OTUD3: variants seen among roughly 807,000 people sequenced by gnomAD.
OTUD3 encodes OTU deubiquitinase 3.
In OTUD3, 24 loss-of-function variants were observed where a neutral mutation model predicts 46.2. That is an observed-to-expected ratio of 0.52 (90% CI 0.38 to 0.73). The LOEUF (loss-of-function observed/expected upper bound fraction) is 0.73. OTUD3 is among the 30% of genes least tolerant of loss of function. The pLI is 0.00. For synonymous variants in OTUD3, 189 were observed against 195.4 expected, an observed-to-expected ratio of 0.97 and a Z score of 0.27; for missense variants, 455 against 523.3, an observed-to-expected ratio of 0.87 and a Z score of 1.27.
At chr1:19,888,187 A>G (rs964360622) in intron 1 of OTUD3, among the ~76,000 whole-genome samples, 4 of 152,242 alleles carry the variant, frequency 2.6e-5, no homozygotes, top group Admixed American at 6.5e-5. Flanking sequence ...GTATTCTCCT[A>G]AACTTCCTAC....
chr1:19,905,408 T>TA (rs2045646457), intron 6 of OTUD3, among the ~76,000 whole-genome samples: 1 of 152,062 alleles, frequency 6.6e-6, no homozygotes, highest in East Asian at 1.9e-4. Context: ...TTTTTTTTTT[T>TA]AATTTGAACC....
intron 1 of OTUD3, among the ~76,000 whole-genome samples, chr1:19,889,701 TGTG>T (rs2045421050): frequency 6.6e-6 from 1 of 152,296 alleles, no homozygotes; most frequent in South Asian, 2.1e-4. Context: ...AGAAACAAAA[TGTG>T]GTGTTTAAAG....
intron 1 of OTUD3, among the ~76,000 whole-genome samples, chr1:19,886,231 A>C (rs1202245713): frequency 6.6e-6 from 1 of 152,232 alleles, no homozygotes; most frequent in Non-Finnish European, 1.5e-5. Flanking sequence ...CAATATTAAC[A>C]TCCCTCTGAA....
chr1:19,903,760 C>G (rs747817294), intron 4 of OTUD3, among the ~76,000 whole-genome samples: 39 of 152,178 alleles, frequency 2.6e-4, no homozygotes, highest in Non-Finnish European at 5.1e-4. Flanking sequence ...TTAGATGAGT[C>G]ATGCTCATCC....
chr1:19,907,914 GT>G lies in OTUD3; in HGVS notation c.*172del. 1 of 538,982 alleles carries G rather than the reference GT, an allele frequency of 1.9e-6. No homozygotes were observed. The highest frequency in any genetic ancestry group is 3.2e-6 in the Non-Finnish European group (1 of 310,072). The allele number at this position is 538,982 out of a possible 1,614,324, so 33.4% of individuals were successfully genotyped here. On this transcript the variant is annotated 3_prime_UTR_variant, in exon 8 of 8. Transcript: ENST00000375120. Reference sequence around the variant, plus strand: ...CAAGCTGCCTCTTTTTTTGTTCGAAGTTTTATTAGTGATATGTTGGTGTTTT... The same window carrying G: ...CAAGCTGCCTCTTTTTTTGTTCGAAGTTTATTAGTGATATGTTGGTGTTTT...
chr1:19,887,001 A>G (rs1481725379), intron 1 of OTUD3, among the ~76,000 whole-genome samples: 1 of 152,242 alleles, frequency 6.6e-6, no homozygotes, highest in African/African-American at 2.4e-5. Context: ...TATTTTATTT[A>G]AGCTATTGTA....
chr1:19,900,903 G>A, intron 4 of OTUD3, among the ~76,000 whole-genome samples: 1 of 148,612 alleles, frequency 6.7e-6, no homozygotes, highest in Non-Finnish European at 1.5e-5. Context: ...ATCCTATTGA[G>A]GTTTTTTTTT....
Position 19,882,499 on chromosome 1 carries a change from C to T in OTUD3, c.-15C>T. ...CGCCTTTCCCTCCTGCCGCTGGGGA[C>T]TGCAGGCTAAGGCCATGTCCCGAAA... On this transcript the variant is annotated 5_prime_UTR_variant, in exon 1 of 8. Coordinates refer to ENST00000375120, the MANE Select transcript of OTUD3 (RefSeq NM_015207.2). 2 of 1,357,180 alleles carry T rather than the reference C, an allele frequency of 1.5e-6. No individual in the cohort carries two copies. Among genetic ancestry groups the T allele is most frequent in the Non-Finnish European group, 1.9e-6 (2 of 1,061,026 alleles). 84.1% of individuals were successfully genotyped at this position (1,357,180 alleles called of 1,614,324 possible). A position where few individuals can be genotyped will look rare whatever the true frequency, so the allele number is the denominator to read the frequency against.
rs1224868354 is a variant in OTUD3 at position 19,912,055 on chromosome 1, A to G, written c.*4309A>G. ...TAGCATCCTTGCAGAATTACTTGAG[A>G]AGGGGCTGGTACCAGTGTAAAGAAT... On this transcript the variant is annotated 3_prime_UTR_variant, in exon 8 of 8. Coordinates refer to ENST00000375120, the MANE Select transcript of OTUD3 (RefSeq NM_015207.2). 6.6e-6 allele frequency: 1 copy of G among 152,332 alleles called. No individual in the cohort carries two copies. Among genetic ancestry groups the G allele is most frequent in the Non-Finnish European group, 1.5e-5 (1 of 68,048 alleles). 9.4% of individuals were successfully genotyped at this position (152,332 alleles called of 1,614,324 possible).
At chr1:19,888,192 TC>T (rs1217090760) in intron 1 of OTUD3, among the ~76,000 whole-genome samples, 3 of 152,212 alleles carry the variant, frequency 2.0e-5, no homozygotes, top group Non-Finnish European at 4.4e-5. Context: ...CTCCTAAACT[TC>T]CTACAGTGCA....
At chr1:19,903,442 A>G (rs2045619231) in intron 4 of OTUD3, among the ~76,000 whole-genome samples, 1 of 152,272 alleles carries the variant, frequency 6.6e-6, no homozygotes, top group South Asian at 2.1e-4. Flanking sequence ...AACTTTGTCA[A>G]ATTCTTAGGG....
chr1:19,909,646 CAGAA>C lies in OTUD3; in HGVS notation c.*1904_*1907del, dbSNP rs1381507569. ...CTTGAGTGCAGAGGCCAGATCCTCT[CAGAA>C]AGATAAGATTGTATGCCAGAAATTC... On this transcript the variant is annotated 3_prime_UTR_variant, in exon 8 of 8. Transcript: ENST00000375120. The C allele has an allele frequency of 6.6e-6, 1 of 152,420 alleles. No homozygotes were observed. Among genetic ancestry groups the C allele is most frequent in the African/African-American group, 2.4e-5 (1 of 41,538 alleles). The allele number at this position is 152,420 out of a possible 1,614,324, so 9.4% of individuals were successfully genotyped here.
At chr1:19,884,502 G>T (rs189593729) in intron 1 of OTUD3, among the ~76,000 whole-genome samples, 19 of 152,322 alleles carry the variant, frequency 1.2e-4, no homozygotes, top group Admixed American at 3.9e-4. Flanking sequence ...GTAGAAACAC[G>T]TAACAGTGGG....
intron 1 of OTUD3, among the ~76,000 whole-genome samples, chr1:19,883,034 C>T (rs1460589096): frequency 1.3e-5 from 2 of 152,224 alleles, no homozygotes; most frequent in African/African-American, 2.4e-5. Flanking sequence ...CCAGGAAGGG[C>T]TCTCTCAAAG....
rs761739384 is a variant in OTUD3 at position 19,906,525 on chromosome 1, A to G, written c.929A>G (p.Asn310Ser). The G allele has an allele frequency of 8.7e-6, 14 of 1,613,980 alleles. No individual in the cohort carries two copies. The Admixed American group carries it at 2.3e-4, about 27-fold the overall frequency. Residue 310 changes from asparagine (N) to serine (S), a missense_variant, in exon 7 of 8, where the codon AAT becomes AGT. Physicochemically the swap from Asn to Ser is conservative, Grantham distance 46 (BLOSUM62 1). Transcript: ENST00000375120. Reference sequence around the variant, plus strand: ...GGCAGTGGTGCCAGAATCTTTGGAAATCAGGGCTTAAATGAAGGCAGGACC... The same window carrying G: ...GGCAGTGGTGCCAGAATCTTTGGAAGTCAGGGCTTAAATGAAGGCAGGACC... Reference protein sequence around the residue: ...EGGSGARIFGNQGLNEGRTEN... With the variant: ...EGGSGARIFGSQGLNEGRTEN...
intron 2 of OTUD3, among the ~76,000 whole-genome samples, chr1:19,894,062 T>A (rs1156666167): frequency 3.9e-5 from 6 of 152,262 alleles, no homozygotes. Flanking sequence ...TGCAAGCTGC[T>A]AAGATTACTG....
chr1:19,906,591 A>G lies in OTUD3; in HGVS notation c.995A>G (p.Lys332Arg), dbSNP rs771465521. Residue 332 changes from lysine to arginine, a missense_variant, in exon 7 of 8, where the codon AAA becomes AGA. Transcript: ENST00000375120. Reference protein sequence around the residue: ...KAQASPSEENKANKNQLAKVT... With the variant: ...KAQASPSEENRANKNQLAKVT... ...CAGGCCAGCCCTAGTGAAGAAAACA[A>G]AGCAAATAAAAACCAGCTCGCAAAG... is the stretch of plus-strand genomic sequence containing the variant. 6.2e-7 allele frequency: 1 copy of G among 1,612,248 alleles called. No individual in the cohort carries two copies. The highest frequency in any genetic ancestry group is 1.1e-5 in the South Asian group (1 of 90,812).
At position 19,910,239 on chromosome 1, in the gene OTUD3, C is replaced by T. The variant is rs926180784; in HGVS notation, c.*2493C>T. The T allele has an allele frequency of 6.6e-6, 1 of 152,324 alleles. No homozygotes were observed. Among genetic ancestry groups the T allele is most frequent in the African/African-American group, 2.4e-5 (1 of 41,422 alleles). The allele number at this position is 152,324 out of a possible 1,614,324, so 9.4% of individuals were successfully genotyped here. A position where few individuals can be genotyped will look rare whatever the true frequency, so the allele number is the denominator to read the frequency against. Reference sequence around the variant, plus strand: ...TTATTAGGAACTGAATGTGTCTTAACCTCTGTGTTACATCTTGGCTGGCAG... The same window carrying T: ...TTATTAGGAACTGAATGTGTCTTAATCTCTGTGTTACATCTTGGCTGGCAG... On this transcript the variant is annotated 3_prime_UTR_variant, in exon 8 of 8. Transcript: ENST00000375120.
At chr1:19,890,797 G>A (rs2045436179) in intron 2 of OTUD3, among the ~76,000 whole-genome samples, 1 of 152,132 alleles carries the variant, frequency 6.6e-6, no homozygotes, top group Non-Finnish European at 1.5e-5. Context: ...TCTGTGGGGT[G>A]GGAAAAGCAG....
Sources: gnomAD v4.1 joint callset for allele counts (sites outside exome capture counted in the v4.1 genomes callset) on GRCh38, gnomAD v4.1.1 for gene constraint, MANE v1.5 for transcripts, NCBI Gene and HGNC (gene_info 2026-07-23, HGNC 2026-07-21) for gene names.